Variants in CXADR observed in about 807,000 individuals in gnomAD.
The protein encoded by CXADR is coxsackievirus and adenovirus receptor.
CXADR carries 20 observed loss-of-function variants against 40.3 expected under a neutral mutation model. The observed-to-expected ratio is 0.50, with a 90% CI of 0.35 to 0.72. The LOEUF is 0.72. Ranked by LOEUF, CXADR falls within the 30% of genes least tolerant of loss-of-function variation. The pLI is 0.01. For synonymous variants in CXADR, 150 were observed against 161.3 expected, an observed-to-expected ratio of 0.93 and a Z score of 0.53; for missense variants, 332 against 449.1, an observed-to-expected ratio of 0.74 and a Z score of 2.36.
the CXADR span, among the ~76,000 whole-genome samples, chr21:17,615,702 T>C: frequency 6.6e-6 from 1 of 152,190 alleles, no homozygotes; most frequent in African/African-American, 2.4e-5. Flanking sequence ...CTTTAAGATA[T>C]TCACTTCTAT....
chr21:17,564,228 C>G (rs916529950), intron 6 of CXADR, among the ~76,000 whole-genome samples: 8 of 150,946 alleles, frequency 5.3e-5, no homozygotes, highest in Non-Finnish European at 7.4e-5. Context: ...CGCAGTGACT[C>G]ACGCCTGTAA....
At chr21:17,596,017 CATAA>C (rs1310545331), downstream of CXADR, among the ~76,000 whole-genome samples, 1 of 151,990 alleles carries the variant, frequency 6.6e-6, no homozygotes, top group African/African-American at 2.4e-5. Flanking sequence ...TTCCTCTGAT[CATAA>C]ATGAGGCCAT....
chr21:17,518,218 A>G (rs1189182420), intron 1 of CXADR, among the ~76,000 whole-genome samples: 1 of 152,182 alleles, frequency 6.6e-6, no homozygotes, highest in Non-Finnish European at 1.5e-5. Context: ...GTATACACAC[A>G]TACCCACACA....
chr21:17,632,791 C>T, the CXADR span, among the ~76,000 whole-genome samples: 4 of 152,092 alleles, frequency 2.6e-5, no homozygotes. Flanking sequence ...ATGACATGAA[C>T]GCGGGAGGCA....
chr21:17,597,388 A>G (rs1228894998), downstream of CXADR, among the ~76,000 whole-genome samples: 6 of 151,850 alleles, frequency 4.0e-5, no homozygotes, highest in African/African-American at 7.3e-5. Context: ...TCACACAGAG[A>G]AAAAAAATGC....
intron 4 of CXADR, 108 bp from the exon 5 acceptor site, chr21:17,560,594 T>C (rs2061103908): frequency 5.4e-6 from 6 of 1,107,358 alleles, no homozygotes; most frequent in South Asian, 1.5e-5. Flanking sequence ...CCTTGGTCTG[T>C]CTTGCTTTTA....
intron 1 of CXADR, among the ~76,000 whole-genome samples, chr21:17,522,498 T>G (rs1244096696): frequency 1.3e-5 from 2 of 152,222 alleles, no homozygotes; most frequent in Admixed American, 6.5e-5. Context: ...CTGCATGTAC[T>G]GACTGCATTA....
chr21:17,541,251 C>T (rs967790686), intron 1 of CXADR, among the ~76,000 whole-genome samples: 4 of 152,136 alleles, frequency 2.6e-5, no homozygotes, highest in African/African-American at 9.7e-5. Flanking sequence ...CATTTCCCTG[C>T]CCTAAAAATC....
the CXADR span, among the ~76,000 whole-genome samples, chr21:17,629,823 ATAAG>A: frequency 6.6e-5 from 8 of 121,376 alleles, no homozygotes; most frequent in African/African-American, 3.0e-4. Context: ...AAACAAACAA[ATAAG>A]CAAATAAATA....
Position 17,518,847 on chromosome 21 carries a change from A to G in CXADR, c.43+5675A>G, listed in dbSNP as rs2060493559. On this transcript the variant is annotated intron_variant, in intron 1 of 6. Coordinates refer to ENST00000284878, the MANE Select transcript of CXADR (RefSeq NM_001338.5). Reference sequence around the variant, plus strand: ...TGTTCATCTCTTCAATACCAACTATATTATTCACAGCCAGTTTTTTTAGAG... The same window carrying G: ...TGTTCATCTCTTCAATACCAACTATGTTATTCACAGCCAGTTTTTTTAGAG... 3.8e-6 allele frequency: 6 copies of G among 1,561,380 alleles called. No individual in the cohort carries two copies. The South Asian group carries it at 5.6e-5, about 14-fold the overall frequency.
chr21:17,530,217 G>C (rs2060655249), intron 1 of CXADR, among the ~76,000 whole-genome samples: 1 of 147,030 alleles, frequency 6.8e-6, no homozygotes, highest in Admixed American at 7.1e-5. Context: ...CACCCACCTC[G>C]GCCTCCCAAA....
chr21:17,579,285 CTT>C (rs891990788), intron 7 of CXADR, among the ~76,000 whole-genome samples: 7 of 83,956 alleles, frequency 8.3e-5, no homozygotes, highest in Non-Finnish European at 1.3e-4. Context: ...CCTTTCTTCT[CTT>C]TTCTTTTTTT....
intron 7 of CXADR, among the ~76,000 whole-genome samples, chr21:17,579,884 T>TA (rs35908570): frequency 0.2 from 29,630 of 148,416 alleles, 3,138 homozygotes; most frequent in East Asian, 0.37. Flanking sequence ...TGTATTTTAT[T>TA]AAAAAAAAAA....
At chr21:17,516,560 T>C (rs2060464499) in intron 1 of CXADR, among the ~76,000 whole-genome samples, 1 of 152,190 alleles carries the variant, frequency 6.6e-6, no homozygotes, top group South Asian at 2.1e-4. Context: ...GTTCTTCAAT[T>C]GCCAACATGA....
intron 3 of CXADR, among the ~76,000 whole-genome samples, chr21:17,552,752 G>A (rs972983183): frequency 1.3e-5 from 2 of 152,160 alleles, no homozygotes; most frequent in African/African-American, 4.8e-5. Context: ...GACACTTGGG[G>A]ATTGACTTTC....
At position 17,545,381 on chromosome 21, in the gene CXADR, GA is replaced by G. The variant is rs568114371; in HGVS notation, c.44-1639del. On this transcript the variant is annotated intron_variant, in intron 1 of 6. Transcript: ENST00000284878. Reference sequence around the variant, plus strand: ...ATGCATACTTTTATAGTATGAATAGGAAAAAAAGTTTTATGTGATTGTTCAC... The same window carrying G: ...ATGCATACTTTTATAGTATGAATAGGAAAAAAGTTTTATGTGATTGTTCAC... Among the ~76,000 whole-genome samples the G allele has an allele frequency of 9.5e-3, 1,447 of 151,990 alleles. 11 individuals carry two copies. Among genetic ancestry groups the G allele is most frequent in the Non-Finnish European group, 0.016 (1,109 of 67,944 alleles).
intron 1 of CXADR, chr21:17,518,633 G>A (rs570337006): frequency 4.9e-5 from 78 of 1,591,142 alleles, no homozygotes; most frequent in East Asian, 4.7e-4. Context: ...AAGACTTGCC[G>A]TGGGAACTGT....
rs796281498 is a variant in CXADR at position 17,516,938 on chromosome 21, G to A, written c.43+3766G>A. 9.2e-5 allele frequency among the ~76,000 whole-genome samples: 14 copies of A among 151,548 alleles called. 1 individual carries two copies. Among genetic ancestry groups the A allele is most frequent in the African/African-American group, 3.2e-4 (13 of 41,126 alleles). ...ATGTAGATAAACATACACAATTTTT[G>A]TCAATGAAAAATAGAAAAAAAACAG... On this transcript the variant is annotated intron_variant, in intron 1 of 6. Transcript: ENST00000284878.
intron 2 of CXADR, among the ~76,000 whole-genome samples, chr21:17,549,209 G>A (rs373608184): frequency 6.6e-6 from 1 of 152,168 alleles, no homozygotes; most frequent in African/African-American, 2.4e-5. Flanking sequence ...GGAGGAAACA[G>A]AGGCCCAGAG....
Sources: gnomAD v4.1 joint callset for allele counts (sites outside exome capture counted in the v4.1 genomes callset) on GRCh38, gnomAD v4.1.1 for gene constraint, MANE v1.5 for transcripts, NCBI Gene and HGNC (gene_info 2026-07-23, HGNC 2026-07-21) for gene names.